Variants in DKKL1 observed in about 807,000 individuals in gnomAD.
The protein encoded by DKKL1 is dickkopf like acrosomal protein 1.
In DKKL1, 11 loss-of-function variants were observed where a neutral mutation model predicts 16.5. That is an observed-to-expected ratio of 0.67 (90% CI 0.42 to 1.10). The LOEUF is 1.10. DKKL1 is among the 50% of genes least tolerant of loss of function. DKKL1 has a pLI of 0.00. For missense variants in DKKL1, 320 were observed against 308.1 expected (o/e 1.04, Z -0.29); for synonymous variants, 119 against 133.2 (o/e 0.89, Z 0.73).
chr19:49,367,183 C>T (rs895138688), intron 4 of DKKL1, among the ~76,000 whole-genome samples: 1 of 151,944 alleles, frequency 6.6e-6, no homozygotes, highest in African/African-American at 2.4e-5. Flanking sequence ...CGTGCCACCA[C>T]GTCCAGCTAA....
chr19:49,363,810 G>C (rs1973118467), upstream of DKKL1: 3 of 808,960 alleles, frequency 3.7e-6, no homozygotes, highest in Non-Finnish European at 6.1e-6. Context: ...AGGCCGGCAA[G>C]TTTGGAGCGT....
In DKKL1 at chr19:49,364,015, A is replaced by C. The variant is rs1973135952; in HGVS notation, c.10+7A>C. 2 of 1,613,314 alleles carry C rather than the reference A, an allele frequency of 1.2e-6. No homozygotes were observed. The highest frequency in any genetic ancestry group is 1.7e-6 in the Non-Finnish European group (2 of 1,179,662). On this transcript the variant is annotated splice_region_variant and intron_variant, in intron 1 of 4. Coordinates refer to ENST00000221498, the MANE Select transcript of DKKL1 (RefSeq NM_014419.4). ...GGGCGGGGTATGGGAGAAGGTGAGG[A>C]TTGAGATCTGGTGGTGAACGTGGGC...
intron 4 of DKKL1, chr19:49,370,738 G>A (rs1215697718): frequency 6.6e-6 from 1 of 152,140 alleles, no homozygotes; most frequent in Non-Finnish European, 1.5e-5. Flanking sequence ...CAAGGAAAAG[G>A]AGGCCCCATG....
At chr19:49,366,293 G>A (rs559527212) in intron 4 of DKKL1, among the ~76,000 whole-genome samples, 1 of 152,266 alleles carries the variant, frequency 6.6e-6, no homozygotes, top group South Asian at 2.1e-4. Flanking sequence ...TTACTCCTCT[G>A]TGTGGAACTT....
intron 4 of DKKL1, among the ~76,000 whole-genome samples, chr19:49,367,431 G>A (rs1215848199): frequency 4.4e-5 from 6 of 137,898 alleles, no homozygotes; most frequent in Admixed American, 3.0e-4. Context: ...TTTTGGAGAC[G>A]AAGTCTCGCT....
rs1973231429 is a variant in DKKL1 at position 49,365,867 on chromosome 19, C to T, written c.399C>T (p.Ser133=). ...CATCCATTCAACCAGCGGAGGGGAG[C>T]TTCGAGGGTGATTTGAAGGTTAGGA... ...VVASIQPAEG[S]FEGDLKVPRM... The change falls in exon 4 of 5, where the codon AGC becomes AGT. Residue 133 remains serine (S), a synonymous_variant. Transcript: ENST00000221498. 3 of 1,614,038 alleles carry T rather than the reference C, an allele frequency of 1.9e-6. No individual in the cohort carries two copies. Among genetic ancestry groups the T allele is most frequent in the Admixed American group, 1.7e-5 (1 of 60,004 alleles).
chr19:49,373,034 T>G (rs1304595432), intron 4 of DKKL1, among the ~76,000 whole-genome samples: 1 of 151,368 alleles, frequency 6.6e-6, no homozygotes, highest in Non-Finnish European at 1.5e-5. Flanking sequence ...CTGGGCATGG[T>G]GGCTCACGCC....
At chr19:49,369,294 A>T (rs1338005322) in intron 4 of DKKL1, 1 of 152,050 alleles carries the variant, frequency 6.6e-6, no homozygotes, top group Non-Finnish European at 1.5e-5. Context: ...CAGGGATAAC[A>T]GGCACGCACT....
upstream of DKKL1, among the ~76,000 whole-genome samples, chr19:49,361,066 C>G (rs1447856956): frequency 9.2e-6 from 1 of 108,110 alleles, no homozygotes; most frequent in Non-Finnish European, 1.8e-5. Context: ...GGACAGAGAC[C>G]CAGAGAGAGG....
At chr19:49,360,562 G>A (rs1972777277), upstream of DKKL1, 1 of 158,292 alleles carries the variant, frequency 6.3e-6, no homozygotes, top group Non-Finnish European at 1.4e-5. Flanking sequence ...CTAAAGGTTC[G>A]GGTATGAATT....
At chr19:49,366,853 G>A (rs7252232) in intron 4 of DKKL1, among the ~76,000 whole-genome samples, 5,235 of 151,126 alleles carry the variant, frequency 0.035, 281 homozygotes, top group African/African-American at 0.12. Context: ...AACTACAGGC[G>A]CGGACCACCA....
intron 4 of DKKL1, among the ~76,000 whole-genome samples, chr19:49,366,784 T>C (rs1011647233): frequency 2.0e-5 from 3 of 151,104 alleles, no homozygotes; most frequent in Admixed American, 6.6e-5. Context: ...CTCAGCTCAC[T>C]GCAACCTCCA....
chr19:49,373,981 CTTTA>C (rs1443279800), intron 4 of DKKL1, among the ~76,000 whole-genome samples: 1 of 151,490 alleles, frequency 6.6e-6, no homozygotes, highest in Non-Finnish European at 1.5e-5. Context: ...TCCTTGAAAG[CTTTA>C]TTTTTTTTTT....
At chr19:49,365,917 G>C in intron 4 of DKKL1, 32 bp downstream of exon 4, 1 of 1,586,444 alleles carries the variant, frequency 6.3e-7, no homozygotes, top group Non-Finnish European at 8.6e-7. Context: ...AAAGTGTCCA[G>C]GCCCAAACAT....
chr19:49,362,299 C>T (rs966034824), upstream of DKKL1: 1 of 152,356 alleles, frequency 6.6e-6, no homozygotes, highest in Admixed American at 6.5e-5. Flanking sequence ...CGCCTCACCT[C>T]CTAAGAAGCA....
At chr19:49,363,821 G>A (rs1196750784), upstream of DKKL1, 1 of 872,832 alleles carries the variant, frequency 1.1e-6, no homozygotes, top group East Asian at 2.7e-5. Flanking sequence ...TTTGGAGCGT[G>A]GTCAGACAAT....
chr19:49,362,458 A>C (rs1310874530), upstream of DKKL1: 1 of 143,598 alleles, frequency 7.0e-6, no homozygotes, highest in Non-Finnish European at 1.5e-5. Flanking sequence ...GAAAAGTGGG[A>C]GGGACCGGAG....
intron 4 of DKKL1, among the ~76,000 whole-genome samples, chr19:49,372,857 C>T (rs777354470): frequency 8.6e-5 from 13 of 151,180 alleles, no homozygotes; most frequent in East Asian, 1.9e-4. Flanking sequence ...CAAAATTAGC[C>T]GGGCATGGTG....
In DKKL1 at chr19:49,365,747, A is replaced by G. The variant is rs1000674175; in HGVS notation, c.325-46A>G. The stretch of plus-strand genomic sequence containing the variant: ...ATCTGTTGGGAGGGAAGGAGGGCGG[A>G]GGAGGAAAGCAGGTTTGCTCTCACT... On this transcript the variant is annotated intron_variant, in intron 3 of 4. Coordinates refer to ENST00000221498, the MANE Select transcript of DKKL1 (RefSeq NM_014419.4). 11 of 1,606,006 alleles carry G rather than the reference A, an allele frequency of 6.8e-6. No individual in the cohort carries two copies. The Admixed American group carries it at 1.7e-4, about 25-fold the overall frequency.
Sources: gnomAD v4.1 joint callset for allele counts (sites outside exome capture counted in the v4.1 genomes callset) on GRCh38, gnomAD v4.1.1 for gene constraint, MANE v1.5 for transcripts, NCBI Gene and HGNC (gene_info 2026-07-23, HGNC 2026-07-21) for gene names.